Variants in STK32B observed in about 807,000 individuals in gnomAD.
STK32B encodes serine/threonine kinase 32B, also known as serine/threonine-protein kinase 32B.
Under a neutral mutation model 52.6 loss-of-function variants are expected in STK32B, and 43 were observed. The observed-to-expected ratio is 0.82, with a 90% confidence interval of 0.64 to 1.05. The LOEUF is 1.05. STK32B is among the 50% of genes least tolerant of loss of function. The pLI is 0.00. For missense variants in STK32B, 621 were observed against 534.6 expected (o/e 1.16, Z -1.59); for synonymous variants, 238 against 204.3 (o/e 1.17, Z -1.41).
At chr4:5,087,626 A>G (rs879674750) in intron 1 of STK32B, among the ~76,000 whole-genome samples, 5 of 152,000 alleles carry the variant, frequency 3.3e-5, no homozygotes, top group Non-Finnish European at 7.4e-5. Context: ...GCAATAATAA[A>G]CAAAATAGAA....
chr4:5,074,188 A>ATATGTGTGTGTGTGTGTGTGTG (rs375845988), intron 1 of STK32B, among the ~76,000 whole-genome samples: 3 of 148,800 alleles, frequency 2.0e-5, no homozygotes, highest in African/African-American at 7.4e-5. Flanking sequence ...AAATATATAT[A>ATATGTGTGTGTGTGTGTGTGTG]TGTGTGTGTG....
At chr4:5,044,924 C>T in the STK32B span, among the ~76,000 whole-genome samples, 1 of 152,048 alleles carries the variant, frequency 6.6e-6, no homozygotes, top group Non-Finnish European at 1.5e-5. Flanking sequence ...ACAAACACAA[C>T]CAAAAAACCA....
chr4:5,257,173 G>A (rs1484896049), intron 3 of STK32B, among the ~76,000 whole-genome samples: 3 of 152,086 alleles, frequency 2.0e-5, no homozygotes, highest in African/African-American at 2.4e-5. Flanking sequence ...GTGAATGAAT[G>A]AGTGAGTGCA....
intron 3 of STK32B, among the ~76,000 whole-genome samples, chr4:5,177,808 C>T (rs987804908): frequency 6.6e-6 from 1 of 152,216 alleles, no homozygotes; most frequent in Admixed American, 6.5e-5. Context: ...AAATGATCTC[C>T]TTTGACTTCA....
rs12640220 is a variant in STK32B, at chr4:5,378,752, T to C, written c.435-19455T>C. Among the ~76,000 whole-genome samples the C allele has an allele frequency of 0.37, 56,542 of 151,998 alleles. 13,166 individuals are homozygous for C. The highest frequency in any genetic ancestry group is 0.66 in the African/African-American group (27,466 of 41,448). On this transcript the variant is annotated intron_variant, in intron 4 of 11. Transcript: ENST00000282908. This position sits in a 1 kb window ranked among gnomAD's most constrained non-coding sequence, Gnocchi z 4.4. ...CACACCTGCTGCTGGTTGGTGGAAA[T>C]GTCTTTGAGAAACGCTGGCTGGGTA... is the stretch of plus-strand genomic sequence containing the variant.
chr4:5,457,277 G>A (rs1481803409), intron 8 of STK32B, among the ~76,000 whole-genome samples: 5 of 145,228 alleles, frequency 3.4e-5, no homozygotes, highest in African/African-American at 5.1e-5. Flanking sequence ...GTGCAGTGGC[G>A]CAGTCTCGAC....
intron 6 of STK32B, chr4:5,436,764 A>G: frequency 1.3e-6 from 1 of 780,418 alleles, no homozygotes; most frequent in African/African-American, 1.9e-5. Flanking sequence ...CAAGAATTCT[A>G]GACTTGACCT....
rs764785962 is a variant in STK32B at position 5,051,642 on chromosome 4, G to C, written c.-222G>C. On this transcript the variant is annotated 5_prime_UTR_variant, in exon 1 of 12. Coordinates refer to ENST00000282908, the MANE Select transcript of STK32B (RefSeq NM_018401.3). Reference sequence around the variant, plus strand: ...AGCCCGAGGCGGGGCACGGCGGAAGGCGCGGCGAGAGCGGGGTCCCTGCGA... The same window carrying C: ...AGCCCGAGGCGGGGCACGGCGGAAGCCGCGGCGAGAGCGGGGTCCCTGCGA... The C allele has an allele frequency of 8.5e-5, 46 of 542,474 alleles. No individual in the cohort carries two copies. The highest frequency in any genetic ancestry group is 1.4e-4 in the Non-Finnish European group (44 of 319,190). The allele number at this position is 542,474 out of a possible 1,614,324, so 33.6% of individuals were successfully genotyped here. A position where few individuals can be genotyped will look rare whatever the true frequency, so the allele number is the denominator to read the frequency against.
intron 2 of STK32B, among the ~76,000 whole-genome samples, chr4:5,154,922 G>A (rs1256823494): frequency 2.0e-5 from 3 of 152,208 alleles, no homozygotes; most frequent in Admixed American, 1.3e-4. Context: ...CTTGGTTGCT[G>A]CCTCCCTCCC....
intron 3 of STK32B, among the ~76,000 whole-genome samples, chr4:5,247,806 T>G (rs1204559681): frequency 6.6e-6 from 1 of 152,188 alleles, no homozygotes; most frequent in South Asian, 2.1e-4. Flanking sequence ...TGTCTTCTTT[T>G]GCTTTTTTTG....
At chr4:5,320,481 C>G (rs531342417) in intron 3 of STK32B, among the ~76,000 whole-genome samples, 15 of 152,240 alleles carry the variant, frequency 9.9e-5, no homozygotes, top group African/African-American at 3.6e-4. Context: ...ACTTTTTCAG[C>G]TATTGTTTAC....
chr4:5,129,990 T>G (rs900738544), intron 1 of STK32B, among the ~76,000 whole-genome samples: 1 of 151,928 alleles, frequency 6.6e-6, no homozygotes, highest in African/African-American at 2.4e-5. Context: ...CCTCAAGGAG[T>G]TGACATCCCA....
In STK32B at chr4:5,331,255, T is replaced by C. The variant is rs1238710384; in HGVS notation, c.296T>C (p.Val99Ala). The change falls in exon 4 of 12, where the codon GTG (valine) becomes GCG (alanine). Residue 99 changes from valine (V) to alanine (A), a missense_variant. Transcript: ENST00000282908. ...SFQDEEDMFM[V>A]VDLLLGGDLR... ...CAGGATGAGGAGGACATGTTCATGG[T>C]GGTGGACCTGCTCCTGGGAGGCGAC... 1 of 1,613,778 alleles carries C rather than the reference T, an allele frequency of 6.2e-7. No homozygotes were observed. Among genetic ancestry groups the C allele is most frequent in the Non-Finnish European group, 8.5e-7 (1 of 1,179,832 alleles).
chr4:5,456,600 CCCACCTGCCAGGT>C (rs1250492275), intron 7 of STK32B, among the ~76,000 whole-genome samples, 194 bp from the exon 8 acceptor site: 1 of 152,230 alleles, frequency 6.6e-6, no homozygotes, highest in Non-Finnish European at 1.5e-5. Context: ...AGCAGCAGCA[CCCACCTGCCAGGT>C]CCTGCACTGC....
intron 1 of STK32B, among the ~76,000 whole-genome samples, chr4:5,069,449 G>A (rs1711619926): frequency 6.6e-6 from 1 of 152,138 alleles, no homozygotes; most frequent in African/African-American, 2.4e-5. Context: ...TATCTGAGAT[G>A]TACCAGGACC....
chr4:5,138,584 G>A (rs184203327), intron 1 of STK32B, among the ~76,000 whole-genome samples: 2 of 152,154 alleles, frequency 1.3e-5, no homozygotes, highest in African/African-American at 4.8e-5. Context: ...ACTAAACACT[G>A]TGCTGAGTGC....
intron 4 of STK32B, among the ~76,000 whole-genome samples, chr4:5,364,199 G>T (rs181883902): frequency 6.6e-6 from 1 of 152,322 alleles, no homozygotes; most frequent in East Asian, 1.9e-4. Flanking sequence ...GCTTTAAGCT[G>T]CCAGGGTACA....
At chr4:5,188,750 C>T (rs1269813556) in intron 3 of STK32B, among the ~76,000 whole-genome samples, 1 of 151,320 alleles carries the variant, frequency 6.6e-6, no homozygotes, top group African/African-American at 2.4e-5. Flanking sequence ...AGAAAGATGT[C>T]TCTCCATGAG....
chr4:5,468,048 TTCA>T lies in STK32B; in HGVS notation c.1089_1091del (p.Ile364del). Reference sequence around the variant, plus strand: ...CTGTTTGGAGACTGTCCGGGAGGAATTCATCATATTCAACAGAGAGAAGTAAGT... The same window carrying T: ...CTGTTTGGAGACTGTCCGGGAGGAATTCATATTCAACAGAGAGAAGTAAGT... On this transcript the variant is annotated inframe_deletion, in exon 11 of 12. Transcript: ENST00000282908. 1 of 1,614,108 alleles carries T rather than the reference TTCA, an allele frequency of 6.2e-7. No homozygotes were observed. Among genetic ancestry groups the T allele is most frequent in the Middle Eastern group, 1.7e-4 (1 of 6,060 alleles).
Sources: gnomAD v4.1 joint callset for allele counts (sites outside exome capture counted in the v4.1 genomes callset) on GRCh38, gnomAD v4.1.1 for gene constraint, Gnocchi (gnomAD v3.1) non-coding constraint, MANE v1.5 for transcripts, NCBI Gene and HGNC (gene_info 2026-07-23, HGNC 2026-07-21) for gene names.